AHCYL2: variants seen among roughly 807,000 people sequenced by gnomAD.
AHCYL2 encodes the protein S-adenosylhomocysteine hydrolase-like protein 2.
Under a neutral mutation model 81.4 loss-of-function variants are expected in AHCYL2, and 28 were observed. The observed-to-expected ratio is 0.34, with a 90% CI of 0.25 to 0.47. The LOEUF (loss-of-function observed/expected upper bound fraction) is 0.47, where lower values mean the gene tolerates loss of function less well. Ranked by LOEUF, AHCYL2 falls within the 20% of genes least tolerant of loss-of-function variation. The probability of loss-of-function intolerance (pLI) is 1.00; values close to 1 mark genes in which losing one functional copy is unlikely to be tolerated. For synonymous variants in AHCYL2, 272 were observed against 290.2 expected, an observed-to-expected ratio of 0.94 and a Z score of 0.64; for missense variants, 551 against 785.1, an observed-to-expected ratio of 0.70 and a Z score of 3.56.
intron 15 of AHCYL2, among the ~76,000 whole-genome samples, chr7:129,425,701 GT>G (rs1797334261): frequency 6.6e-6 from 1 of 152,208 alleles, no homozygotes; most frequent in Non-Finnish European, 1.5e-5. Context: ...AACTGATACA[GT>G]GTGTTTATAA....
At chr7:129,230,020 AT>A (rs1794365224) in intron 1 of AHCYL2, among the ~76,000 whole-genome samples, 1 of 150,314 alleles carries the variant, frequency 6.7e-6, no homozygotes, top group South Asian at 2.1e-4. Context: ...AGGGAAGAAT[AT>A]TCCTACTGTA....
rs150011662 is a variant in AHCYL2 at position 129,335,344 on chromosome 7, T to C, written c.364-44294T>C. Among the ~76,000 whole-genome samples the C allele has an allele frequency of 1.4e-3, 213 of 151,548 alleles. 1 individual carries two copies. Among genetic ancestry groups the C allele is most frequent in the Middle Eastern group, 0.014 (4 of 294 alleles). ...GCTATATGATCACATACCTGCACTT[T>C]GGCCTGGGTAACAGAGTGAGACCCT... On this transcript the variant is annotated intron_variant, in intron 1 of 16. Coordinates refer to ENST00000325006, the MANE Select transcript of AHCYL2 (RefSeq NM_015328.4).
chr7:129,331,639 C>A (rs917948921), intron 1 of AHCYL2, among the ~76,000 whole-genome samples: 2 of 151,810 alleles, frequency 1.3e-5, no homozygotes, highest in Non-Finnish European at 2.9e-5. Flanking sequence ...CTCAGGAGTT[C>A]AAGACCAGCC....
chr7:129,397,207 T>G lies in AHCYL2; in HGVS notation c.721-15T>G. 1 of 1,610,460 alleles carries G rather than the reference T, an allele frequency of 6.2e-7. No homozygotes were observed. Among genetic ancestry groups the G allele is most frequent in the Non-Finnish European group, 8.5e-7 (1 of 1,178,716 alleles). ...GGCCCAGGCTTGCTCATACCCTGCTTTGTCTTTAATACAGGTGCTTATGGA... is the reference window on the plus strand; with the variant it reads ...GGCCCAGGCTTGCTCATACCCTGCTGTGTCTTTAATACAGGTGCTTATGGA... On this transcript the variant is annotated splice_polypyrimidine_tract_variant and intron_variant, in intron 4 of 16. Coordinates refer to ENST00000325006, the MANE Select transcript of AHCYL2 (RefSeq NM_015328.4).
In AHCYL2 at chr7:129,429,795, C is replaced by T. The variant is rs1482666711; in HGVS notation, c.*2750C>T. 2 of 152,598 alleles carry T rather than the reference C, an allele frequency of 1.3e-5. No individual in the cohort carries two copies. Among genetic ancestry groups the T allele is most frequent in the Non-Finnish European group, 2.9e-5 (2 of 68,038 alleles). 9.5% of individuals were successfully genotyped at this position (152,598 alleles called of 1,614,324 possible). On this transcript the variant is annotated 3_prime_UTR_variant, in exon 17 of 17. Transcript: ENST00000325006. Reference sequence around the variant, plus strand: ...CTACTTGCCCATATGAGCACGGCTCCCCATGGCCACATACTCCTGCAAAGC... The same window carrying T: ...CTACTTGCCCATATGAGCACGGCTCTCCATGGCCACATACTCCTGCAAAGC...
intron 1 of AHCYL2, among the ~76,000 whole-genome samples, chr7:129,318,213 C>G (rs1797893213): frequency 6.6e-6 from 1 of 152,172 alleles, no homozygotes; most frequent in African/African-American, 2.4e-5. Context: ...ATGGACTGAA[C>G]AGCATTTAAA....
chr7:129,364,864 C>T (rs542333948), intron 1 of AHCYL2, among the ~76,000 whole-genome samples: 1 of 152,086 alleles, frequency 6.6e-6, no homozygotes, highest in Non-Finnish European at 1.5e-5. Flanking sequence ...AAGGACTTCT[C>T]GTCAAATAAG....
At chr7:129,229,148 A>T (rs1261668565) in intron 1 of AHCYL2, among the ~76,000 whole-genome samples, 1 of 151,034 alleles carries the variant, frequency 6.6e-6, no homozygotes, top group African/African-American at 2.4e-5. Flanking sequence ...GCTCACCGCA[A>T]CCTCCGCCTC....
chr7:129,239,707 T>C (rs778929818), intron 1 of AHCYL2, among the ~76,000 whole-genome samples: 6 of 152,124 alleles, frequency 3.9e-5, no homozygotes, highest in South Asian at 2.1e-4. Flanking sequence ...AAACCTGTTA[T>C]AAGACTTATA....
intron 1 of AHCYL2, among the ~76,000 whole-genome samples, chr7:129,264,928 A>T (rs1372149173): frequency 6.6e-6 from 1 of 152,242 alleles, no homozygotes; most frequent in Non-Finnish European, 1.5e-5. Context: ...CTTATATTGT[A>T]TATGAGTTTA....
chr7:129,368,398 C>A lies in AHCYL2; in HGVS notation c.364-11240C>A. The A allele has an allele frequency of 6.3e-7, 1 of 1,593,686 alleles. No individual in the cohort carries two copies. Among genetic ancestry groups the A allele is most frequent in the Non-Finnish European group, 8.5e-7 (1 of 1,170,292 alleles). ...AGCCACTGTGAACTTCTGAATCTCA[C>A]TAGGGTTGGGTCTGCTTTGGGGCAC... On this transcript the variant is annotated intron_variant, in intron 1 of 16. Transcript: ENST00000325006. The surrounding 1 kb of genome is among the most constrained non-coding windows in gnomAD (Gnocchi z 4.4).
chr7:129,246,326 G>A (rs894927737), intron 1 of AHCYL2, among the ~76,000 whole-genome samples: 1 of 152,144 alleles, frequency 6.6e-6, no homozygotes, highest in Admixed American at 6.5e-5. Context: ...CCAAAGTGCT[G>A]GGATTACAGG....
intron 1 of AHCYL2, among the ~76,000 whole-genome samples, chr7:129,362,974 A>C (rs764371791): frequency 2.0e-4 from 30 of 152,128 alleles, no homozygotes; most frequent in Non-Finnish European, 3.7e-4. Context: ...CCCTAAGCAC[A>C]TACTCACTGA....
chr7:129,343,202 A>G (rs761549655), intron 1 of AHCYL2, among the ~76,000 whole-genome samples: 1 of 152,148 alleles, frequency 6.6e-6, no homozygotes, highest in East Asian at 1.9e-4. Flanking sequence ...TTGGTATTCA[A>G]TATTCCTGTG....
intron 11 of AHCYL2, among the ~76,000 whole-genome samples, chr7:129,412,827 G>T (rs1403618198): frequency 6.6e-6 from 1 of 151,892 alleles, no homozygotes; most frequent in African/African-American, 2.4e-5. Context: ...AAGAAATGTC[G>T]ATTCAGATCC....
intron 1 of AHCYL2, among the ~76,000 whole-genome samples, chr7:129,318,564 A>G (rs1797904361): frequency 6.6e-6 from 1 of 152,248 alleles, no homozygotes; most frequent in Admixed American, 6.5e-5. Flanking sequence ...ATTATTTAGT[A>G]AATGGTGTAG....
chr7:129,225,409 C>A lies in AHCYL2; in HGVS notation c.333C>A (p.Thr111=). The A allele has an allele frequency of 1.3e-6, 2 of 1,516,122 alleles. No homozygotes were observed. The highest frequency in any genetic ancestry group is 1.2e-5 in the South Asian group (1 of 83,350). The allele number at this position is 1,516,122 out of a possible 1,614,324, so 93.9% of individuals were successfully genotyped here. A position where few individuals can be genotyped will look rare whatever the true frequency, so the allele number is the denominator to read the frequency against. ...GGEALVSPDG[T]VTEAPRTVKK... ...AGGCCCTGGTCAGCCCCGACGGCAC[C>A]GTCACCGAGGCGCCGCGCACAGTCA... Residue 111 remains threonine, a synonymous_variant, in exon 1 of 17, where the codon ACC becomes ACA. Transcript: ENST00000325006.
intron 1 of AHCYL2, among the ~76,000 whole-genome samples, chr7:129,323,864 C>T (rs1235026649): frequency 2.0e-5 from 3 of 150,050 alleles, no homozygotes; most frequent in East Asian, 3.9e-4. Context: ...ATTAATATGG[C>T]CCTTTTAGCT....
intron 1 of AHCYL2, among the ~76,000 whole-genome samples, chr7:129,273,387 G>A (rs1796086847): frequency 8.6e-6 from 1 of 116,748 alleles, no homozygotes; most frequent in African/African-American, 3.3e-5. Context: ...GGAGTGCAAT[G>A]GCATGATCTT....
Sources: allele counts gnomAD v4.1 joint callset (sites outside exome capture counted in the v4.1 genomes callset), GRCh38; gene constraint gnomAD v4.1.1; non-coding constraint Gnocchi (gnomAD v3.1); transcripts MANE v1.5; gene names NCBI Gene and HGNC (gene_info 2026-07-23, HGNC 2026-07-21).